CTNND2: variants seen among roughly 807,000 people sequenced by gnomAD.
The protein encoded by CTNND2 is catenin delta-2.
CTNND2 carries 22 observed loss-of-function variants against 144.4 expected under a neutral mutation model. The observed-to-expected ratio is 0.15, with a 90% CI of 0.11 to 0.22. The LOEUF is 0.22. Among genes scored for constraint, CTNND2 ranks in the 10% least tolerant of loss-of-function variants. The pLI is 1.00. For synonymous variants in CTNND2, 751 were observed against 695.6 expected (o/e 1.08, Z -1.25); for missense variants, 1,353 against 1,618.8 (o/e 0.84, Z 2.82).
chr5:11,833,685 A>G (rs771858827), intron 1 of CTNND2, among the ~76,000 whole-genome samples: 14 of 152,038 alleles, frequency 9.2e-5, no homozygotes, highest in South Asian at 2.1e-4. Context: ...GACTACTCCC[A>G]GCTAATTTTT....
chr5:11,170,799 T>C (rs139738147), intron 11 of CTNND2, among the ~76,000 whole-genome samples: 7 of 152,326 alleles, frequency 4.6e-5, no homozygotes, highest in African/African-American at 1.4e-4. Flanking sequence ...GGGTAATTTA[T>C]AAAGAAACAG....
chr5:11,435,221 C>T (rs1238882541), intron 3 of CTNND2, among the ~76,000 whole-genome samples: 1 of 151,998 alleles, frequency 6.6e-6, no homozygotes, highest in African/African-American at 2.4e-5. Flanking sequence ...TCACCGCAAG[C>T]TCTGCCTCCC....
chr5:11,526,788 C>A (rs1773286317), intron 3 of CTNND2, among the ~76,000 whole-genome samples: 1 of 152,152 alleles, frequency 6.6e-6, no homozygotes, highest in African/African-American at 2.4e-5. Flanking sequence ...GGGACTCACA[C>A]TGACACCTGT....
At chr5:11,310,769 CAT>C (rs1394736149) in intron 9 of CTNND2, among the ~76,000 whole-genome samples, 1 of 151,554 alleles carries the variant, frequency 6.6e-6, no homozygotes, top group African/African-American at 2.4e-5. Flanking sequence ...CTCACACACA[CAT>C]ACACTCTCAC....
At chr5:11,513,929 G>A (rs1025129084) in intron 3 of CTNND2, among the ~76,000 whole-genome samples, 3 of 152,046 alleles carry the variant, frequency 2.0e-5, no homozygotes, top group Admixed American at 6.6e-5. Context: ...CTTTGACTCC[G>A]CAATTCCATT....
At chr5:11,030,837 G>A (rs1300639443) in intron 16 of CTNND2, among the ~76,000 whole-genome samples, 1 of 149,210 alleles carries the variant, frequency 6.7e-6, no homozygotes, top group Non-Finnish European at 1.5e-5. Flanking sequence ...ATGCCTTGTG[G>A]TTTTTTATTG....
At chr5:11,458,922 C>G (rs929294287) in intron 3 of CTNND2, among the ~76,000 whole-genome samples, 1 of 150,938 alleles carries the variant, frequency 6.6e-6, no homozygotes, top group Non-Finnish European at 1.5e-5. Flanking sequence ...ACCACCACCA[C>G]GACTGTTTCT....
At chr5:11,579,489 C>T (rs1234023933) in intron 2 of CTNND2, among the ~76,000 whole-genome samples, 5 of 152,142 alleles carry the variant, frequency 3.3e-5, no homozygotes, top group Non-Finnish European at 7.3e-5. Flanking sequence ...CGTAGACAAG[C>T]TAATATCATT....
chr5:11,657,487 C>T (rs1782975070), intron 2 of CTNND2, among the ~76,000 whole-genome samples: 1 of 151,966 alleles, frequency 6.6e-6, no homozygotes, highest in Non-Finnish European at 1.5e-5. Flanking sequence ...TTCATTTCTT[C>T]CTCCCTTCAT....
At chr5:10,984,846 G>T (rs1456512260) in intron 20 of CTNND2, among the ~76,000 whole-genome samples, 1 of 152,126 alleles carries the variant, frequency 6.6e-6, no homozygotes, top group East Asian at 1.9e-4. Flanking sequence ...GGATGAGGCG[G>T]GAAGATCACT....
chr5:11,822,158 G>T (rs1793348483), intron 1 of CTNND2, among the ~76,000 whole-genome samples: 1 of 152,060 alleles, frequency 6.6e-6, no homozygotes, highest in African/African-American at 2.4e-5. Flanking sequence ...AAGAACTTGA[G>T]ACTCAGAGAT....
At chr5:11,722,193 T>A (rs916764751) in intron 2 of CTNND2, among the ~76,000 whole-genome samples, 7 of 152,218 alleles carry the variant, frequency 4.6e-5, no homozygotes, top group African/African-American at 1.7e-4. Context: ...TCACAGAGTT[T>A]TCTCCTAAGA....
At chr5:11,205,991 A>G (rs1738001567) in intron 10 of CTNND2, among the ~76,000 whole-genome samples, 1 of 152,234 alleles carries the variant, frequency 6.6e-6, no homozygotes, top group African/African-American at 2.4e-5. Flanking sequence ...GGTTGTTTTC[A>G]GGACTGAATG....
At chr5:11,531,695 T>C (rs1773761965) in intron 3 of CTNND2, among the ~76,000 whole-genome samples, 1 of 151,978 alleles carries the variant, frequency 6.6e-6, no homozygotes, top group African/African-American at 2.4e-5. Context: ...GTAGTAAATA[T>C]TAATTACTAA....
At chr5:11,373,812 G>A (rs1757672955) in intron 7 of CTNND2, among the ~76,000 whole-genome samples, 1 of 152,168 alleles carries the variant, frequency 6.6e-6, no homozygotes, top group South Asian at 2.1e-4. Context: ...TCCTGAAAGT[G>A]AGGGAAGGAA....
intron 3 of CTNND2, among the ~76,000 whole-genome samples, chr5:11,468,280 T>G (rs541154277): frequency 6.6e-6 from 1 of 152,326 alleles, no homozygotes; most frequent in African/African-American, 2.4e-5. Flanking sequence ...AGTCAGTCCT[T>G]ACAGCCAATG....
At chr5:11,266,662 A>T (rs1458426604) in intron 9 of CTNND2, among the ~76,000 whole-genome samples, 4 of 152,222 alleles carry the variant, frequency 2.6e-5, no homozygotes, top group African/African-American at 4.8e-5. Context: ...GTACACTATT[A>T]AGTTAATGCA....
chr5:11,776,055 G>C (rs1281073902), intron 1 of CTNND2, among the ~76,000 whole-genome samples: 2 of 152,166 alleles, frequency 1.3e-5, no homozygotes, highest in Non-Finnish European at 2.9e-5. Flanking sequence ...CCTTCAGAGG[G>C]AGCATGGGTG....
At chr5:11,058,026 C>T (rs1746521150) in intron 16 of CTNND2, among the ~76,000 whole-genome samples, 1 of 152,160 alleles carries the variant, frequency 6.6e-6, no homozygotes, top group South Asian at 2.1e-4. Flanking sequence ...CAAAAGGTGA[C>T]TTGGGTACTG....
Sources: gnomAD v4.1 joint callset for allele counts (sites outside exome capture counted in the v4.1 genomes callset) on GRCh38, gnomAD v4.1.1 for gene constraint, MANE v1.5 for transcripts, NCBI Gene and HGNC (gene_info 2026-07-23, HGNC 2026-07-21) for gene names.